The following ERBB4 variants were observed in gnomAD, a reference collection of about 807,000 sequenced individuals.
The protein encoded by ERBB4 is receptor tyrosine-protein kinase erbB-4.
In ERBB4, 42 loss-of-function variants were observed where a neutral mutation model predicts 158.0. The observed-to-expected ratio is 0.27, with a 90% CI of 0.21 to 0.34. The LOEUF (loss-of-function observed/expected upper bound fraction) is 0.34. ERBB4 is among the 10% of genes least tolerant of loss of function. The pLI is 1.00. For missense variants in ERBB4, 1,333 were observed against 1,624.1 expected, an observed-to-expected ratio of 0.82 and a Z score of 3.08; for synonymous variants, 583 against 558.7, an observed-to-expected ratio of 1.04 and a Z score of -0.61.
intron 3 of ERBB4, among the ~76,000 whole-genome samples, chr2:211,890,425 C>A (rs1575325659): frequency 2.7e-5 from 4 of 150,712 alleles, no homozygotes; most frequent in Admixed American, 2.6e-4. Context: ...TGGAAAGGAA[C>A]AACTGGTACC....
chr2:211,766,193 A>T (rs368539121), intron 4 of ERBB4, among the ~76,000 whole-genome samples: 1 of 152,244 alleles, frequency 6.6e-6, no homozygotes, highest in African/African-American at 2.4e-5. Flanking sequence ...TAAATTGAAC[A>T]TAATGTGTTC....
chr2:212,010,326 C>T (rs375284711), intron 2 of ERBB4, among the ~76,000 whole-genome samples: 9 of 152,118 alleles, frequency 5.9e-5, no homozygotes, highest in African/African-American at 1.9e-4. Flanking sequence ...AACATAATCA[C>T]CAGGTGTGTA....
intron 2 of ERBB4, among the ~76,000 whole-genome samples, chr2:211,992,584 T>G (rs1444430986): frequency 1.6e-5 from 2 of 125,990 alleles, no homozygotes; most frequent in Non-Finnish European, 3.6e-5. Context: ...AAAAAAAACA[T>G]GAGTTTGTCA....
rs71054137 is a variant in ERBB4 at position 211,721,620 on chromosome 2, C to CATAT, written c.883+769_883+772dup. Reference sequence around the variant, plus strand: ...TATTTAAGGTTAATTTGCTATTAAACATATATATATATATATATATATATA... The same window carrying CATAT: ...TATTTAAGGTTAATTTGCTATTAAACATATATATATATATATATATATATATATA... On this transcript the variant is annotated intron_variant, in intron 7 of 27. Coordinates refer to ENST00000342788, the MANE Select transcript of ERBB4 (RefSeq NM_005235.3). Among the ~76,000 whole-genome samples, 1,028 of 131,870 alleles carry CATAT rather than the reference C, an allele frequency of 7.8e-3. 16 individuals carry two copies. Among genetic ancestry groups the CATAT allele is most frequent in the East Asian group, 0.013 (62 of 4,852 alleles). 86.5% of individuals were successfully genotyped at this position (131,870 alleles called of 152,430 possible).
intron 20 of ERBB4, among the ~76,000 whole-genome samples, chr2:211,489,583 T>A (rs1241471176): frequency 6.6e-6 from 1 of 151,996 alleles, no homozygotes; most frequent in African/African-American, 2.4e-5. Context: ...AAGCAATTTA[T>A]CATTATATAA....
intron 5 of ERBB4, among the ~76,000 whole-genome samples, chr2:211,735,335 A>T (rs1009179671): frequency 6.6e-6 from 1 of 152,220 alleles, no homozygotes; most frequent in Admixed American, 6.5e-5. Context: ...AGGTCAAATC[A>T]TAAGTTATTA....
chr2:212,108,423 TAA>T (rs1165992381), intron 2 of ERBB4, among the ~76,000 whole-genome samples: 1 of 152,176 alleles, frequency 6.6e-6, no homozygotes, highest in Admixed American at 6.5e-5. Context: ...AGCATTTTAA[TAA>T]GAGACTAATA....
In ERBB4 at chr2:211,617,068, T is replaced by A. The variant is rs544909082; in HGVS notation, c.2301+2109A>T. 5.3e-5 allele frequency among the ~76,000 whole-genome samples: 8 copies of A among 152,224 alleles called. No homozygotes were observed. The East Asian group carries it at 7.7e-4, about 15-fold the overall frequency. On this transcript the variant is annotated intron_variant, in intron 19 of 27. Transcript: ENST00000342788. ...AAAAAATGGATGGGGTTAGGAGCTTTCAAATAATCATTCAAAATCATGATG... is the reference window on the plus strand; with the variant it reads ...AAAAAATGGATGGGGTTAGGAGCTTACAAATAATCATTCAAAATCATGATG...
intron 2 of ERBB4, among the ~76,000 whole-genome samples, chr2:212,092,746 C>T (rs1157556676): frequency 1.3e-5 from 2 of 151,796 alleles, no homozygotes; most frequent in African/African-American, 4.8e-5. Flanking sequence ...TAAAATTAGG[C>T]AATAAGTTGG....
chr2:211,728,211 A>G (rs2074327378), intron 5 of ERBB4, among the ~76,000 whole-genome samples: 1 of 150,382 alleles, frequency 6.6e-6, no homozygotes, highest in Admixed American at 6.6e-5. Flanking sequence ...TCCTTCCTGT[A>G]TTTTGTTACA....
At chr2:212,327,688 T>A (rs1254302863) in intron 1 of ERBB4, among the ~76,000 whole-genome samples, 1 of 151,274 alleles carries the variant, frequency 6.6e-6, no homozygotes, top group African/African-American at 2.4e-5. Flanking sequence ...GGGAAAATAG[T>A]CTAAAACCCC....
intron 3 of ERBB4, among the ~76,000 whole-genome samples, chr2:211,829,741 T>C (rs1575209521): frequency 6.6e-6 from 1 of 152,178 alleles, no homozygotes; most frequent in Non-Finnish European, 1.5e-5. Context: ...TCTTATCTAT[T>C]GTCCTTCCTT....
At chr2:211,564,521 T>C (rs2067493640) in intron 19 of ERBB4, among the ~76,000 whole-genome samples, 1 of 152,190 alleles carries the variant, frequency 6.6e-6, no homozygotes, top group African/African-American at 2.4e-5. Flanking sequence ...CAAATAGAGC[T>C]GTGACTTCAA....
At position 211,969,204 on chromosome 2, in the gene ERBB4, G is replaced by A. The variant is rs537921512; in HGVS notation, c.235-21588C>T. Among the ~76,000 whole-genome samples the A allele has an allele frequency of 5.8e-4, 88 of 151,942 alleles. 1 individual carries two copies. Among genetic ancestry groups the A allele is most frequent in the African/African-American group, 2.0e-3 (83 of 41,512 alleles). On this transcript the variant is annotated intron_variant, in intron 2 of 27. Transcript: ENST00000342788. ...AGCAGTGACAAAAGTTAAGACAACT[G>A]CAAATGACACCAGTAACTCCAATAA...
At chr2:211,982,946 T>C (rs561108236) in intron 2 of ERBB4, among the ~76,000 whole-genome samples, 15 of 152,356 alleles carry the variant, frequency 9.8e-5, no homozygotes, top group African/African-American at 3.6e-4. Flanking sequence ...GTTCAATGGT[T>C]GTAGCATCTT....
At chr2:212,041,443 C>A (rs12468427) in intron 2 of ERBB4, among the ~76,000 whole-genome samples, 9,265 of 151,996 alleles carry the variant, frequency 0.061, 297 homozygotes, top group South Asian at 0.1. Context: ...ATAATTAGCA[C>A]CATCTTTAGT....
At chr2:211,850,922 A>T (rs373219441) in intron 3 of ERBB4, among the ~76,000 whole-genome samples, 1 of 151,996 alleles carries the variant, frequency 6.6e-6, no homozygotes. Context: ...GTACACAATT[A>T]TATGTATCAG....
At chr2:211,668,479 G>A (rs528586007) in intron 14 of ERBB4, among the ~76,000 whole-genome samples, 3 of 152,168 alleles carry the variant, frequency 2.0e-5, no homozygotes, top group East Asian at 1.9e-4. Flanking sequence ...TGCAATAATA[G>A]AAAATGAAGG....
intron 20 of ERBB4, among the ~76,000 whole-genome samples, chr2:211,536,479 A>T (rs991063033): frequency 6.6e-6 from 1 of 152,060 alleles, no homozygotes; most frequent in African/African-American, 2.4e-5. Context: ...ATGACTTGAA[A>T]GGCAAACACT....
Sources: allele counts gnomAD v4.1 joint callset (sites outside exome capture counted in the v4.1 genomes callset), GRCh38; gene constraint gnomAD v4.1.1; transcripts MANE v1.5; gene names NCBI Gene and HGNC (gene_info 2026-07-23, HGNC 2026-07-21).